SIPA1L1: variants seen among roughly 807,000 people sequenced by gnomAD.
SIPA1L1 encodes signal-induced proliferation-associated 1-like protein 1.
SIPA1L1 carries 26 observed loss-of-function variants against 162.7 expected under a neutral mutation model. The observed-to-expected ratio is 0.16, with a 90% confidence interval of 0.12 to 0.22. SIPA1L1 has a LOEUF of 0.22. Ranked by LOEUF, SIPA1L1 falls within the 10% of genes least tolerant of loss-of-function variation. The pLI, the probability that SIPA1L1 is intolerant of heterozygous loss-of-function variation, is 1.00. For missense variants in SIPA1L1, 1,874 were observed against 2,241.0 expected, an observed-to-expected ratio of 0.84 and a Z score of 3.31; for synonymous variants, 829 against 837.4, an observed-to-expected ratio of 0.99 and a Z score of 0.17.
At chr14:71,602,264 T>G (rs1409146911) in intron 5 of SIPA1L1, among the ~76,000 whole-genome samples, 1 of 152,178 alleles carries the variant, frequency 6.6e-6, no homozygotes, top group Non-Finnish European at 1.5e-5. Flanking sequence ...TTTTTTGGTT[T>G]TCATTTGCTT....
At chr14:71,407,516 T>C (rs548231943) in intron 2 of SIPA1L1, among the ~76,000 whole-genome samples, 199 of 103,196 alleles carry the variant, frequency 1.9e-3, no homozygotes, top group Non-Finnish European at 3.1e-3. Context: ...CCTTCCCTCC[T>C]TTCCCTCCCT....
At chr14:71,701,848 C>T (rs1180472441) in intron 14 of SIPA1L1, among the ~76,000 whole-genome samples, 27 of 152,150 alleles carry the variant, frequency 1.8e-4, no homozygotes, top group Non-Finnish European at 3.8e-4. Flanking sequence ...AACGTGGTTT[C>T]TACATGATCT....
At chr14:71,730,334 C>G (rs777462241) in intron 20 of SIPA1L1, 33 bp downstream of exon 20, 2 of 1,609,128 alleles carry the variant, frequency 1.2e-6, no homozygotes, top group Non-Finnish European at 1.7e-6. Context: ...CCTGGATGGC[C>G]CTGTTGATGA....
chr14:71,479,132 G>A (rs556853724), intron 2 of SIPA1L1, among the ~76,000 whole-genome samples: 37 of 152,030 alleles, frequency 2.4e-4, no homozygotes, highest in South Asian at 1.0e-3. Context: ...AAAGTGGGAC[G>A]CTCATTGCCA....
chr14:71,366,127 A>G (rs2038272260), intron 2 of SIPA1L1, among the ~76,000 whole-genome samples: 1 of 152,098 alleles, frequency 6.6e-6, no homozygotes, highest in South Asian at 2.1e-4. Context: ...TCTAGAGGTC[A>G]GGCCTGGGTA....
intron 4 of SIPA1L1, among the ~76,000 whole-genome samples, chr14:71,584,115 C>T (rs185540075): frequency 6.6e-6 from 1 of 152,154 alleles, no homozygotes; most frequent in Non-Finnish European, 1.5e-5. Flanking sequence ...AGAGATAAAC[C>T]ATAGACACCA....
chr14:71,630,123 C>G (rs1429944387), intron 7 of SIPA1L1, among the ~76,000 whole-genome samples: 4 of 152,194 alleles, frequency 2.6e-5, no homozygotes, highest in African/African-American at 9.7e-5. Flanking sequence ...TTTTAATCGT[C>G]TCTTAGATTA....
intron 2 of SIPA1L1, among the ~76,000 whole-genome samples, chr14:71,354,696 A>G (rs2037072276): frequency 6.6e-6 from 1 of 152,182 alleles, no homozygotes; most frequent in Non-Finnish European, 1.5e-5. Flanking sequence ...ACTACTTTGC[A>G]GACATTCTCT....
chr14:71,573,179 A>G (rs140427316), intron 4 of SIPA1L1, among the ~76,000 whole-genome samples: 1 of 152,364 alleles, frequency 6.6e-6, no homozygotes, highest in African/African-American at 2.4e-5. Flanking sequence ...CTGTGGTACT[A>G]TTTGCCTTTA....
At position 71,582,698 on chromosome 14, in the gene SIPA1L1, G is replaced by A. The variant is rs536237040; in HGVS notation, c.-302-4873G>A. Among the ~76,000 whole-genome samples the A allele has an allele frequency of 3.9e-5, 6 of 152,018 alleles. No homozygotes were observed. The East Asian group carries it at 7.7e-4, about 20-fold the overall frequency. On this transcript the variant is annotated intron_variant, in intron 4 of 23. Coordinates refer to ENST00000381232, the MANE Select transcript of SIPA1L1 (RefSeq NM_001386936.1). Reference sequence around the variant, plus strand: ...ATTTTACCAAAAGTTTTTTTGACTCGACTTTGTTTCCATCAGTGTTGTCTC... The same window carrying A: ...ATTTTACCAAAAGTTTTTTTGACTCAACTTTGTTTCCATCAGTGTTGTCTC...
Position 71,730,135 on chromosome 14 carries a change from C to T in SIPA1L1, c.4695C>T (p.Asp1565=), listed in dbSNP as rs760567734. ...SRRALHRTLS[D]ESIYNSQREH... ...GGGCCTTGCACAGAACACTGTCGGA[C>T]GAGAGCATTTACAATAGCCAGAGGG... The change falls in exon 20 of 24, where the codon GAC becomes GAT. Residue 1565 remains aspartate, a synonymous_variant. Coordinates refer to ENST00000381232, the MANE Select transcript of SIPA1L1 (RefSeq NM_001386936.1). 22 of 1,614,062 alleles carry T rather than the reference C, an allele frequency of 1.4e-5. No individual in the cohort carries two copies. Among genetic ancestry groups the T allele is most frequent in the Middle Eastern group, 3.3e-4 (2 of 6,084 alleles).
intron 7 of SIPA1L1, among the ~76,000 whole-genome samples, chr14:71,646,465 C>A (rs2042181070): frequency 6.6e-6 from 1 of 152,206 alleles, no homozygotes; most frequent in Non-Finnish European, 1.5e-5. Context: ...CGTGAGCCTG[C>A]AGTGTCTGTT....
chr14:71,578,888 A>G (rs1179838070), intron 4 of SIPA1L1, among the ~76,000 whole-genome samples: 1 of 152,182 alleles, frequency 6.6e-6, no homozygotes, highest in Non-Finnish European at 1.5e-5. Flanking sequence ...GTATTTTACT[A>G]AGCGTGAAAA....
chr14:71,585,832 C>G (rs2034524960), intron 4 of SIPA1L1, among the ~76,000 whole-genome samples: 1 of 152,150 alleles, frequency 6.6e-6, no homozygotes, highest in Non-Finnish European at 1.5e-5. Context: ...AGATGTTGAA[C>G]AGGTGTTTGC....
intron 4 of SIPA1L1, among the ~76,000 whole-genome samples, chr14:71,568,307 T>C (rs139479884): frequency 2.0e-4 from 30 of 151,916 alleles, no homozygotes; most frequent in African/African-American, 7.0e-4. Context: ...CAAAAATCCA[T>C]CTTTTGTAAC....
chr14:71,695,006 G>T (rs1189502948), intron 13 of SIPA1L1, among the ~76,000 whole-genome samples: 1 of 152,172 alleles, frequency 6.6e-6, no homozygotes, highest in Non-Finnish European at 1.5e-5. Context: ...CTTCAAAGTG[G>T]CAGGATAGCA....
chr14:71,567,280 A>G (rs1276546310), intron 4 of SIPA1L1, among the ~76,000 whole-genome samples: 1 of 152,198 alleles, frequency 6.6e-6, no homozygotes, highest in East Asian at 1.9e-4. Context: ...AGACTTTTGC[A>G]TGTTTCTAAA....
intron 2 of SIPA1L1, among the ~76,000 whole-genome samples, chr14:71,373,126 A>G (rs889054222): frequency 6.6e-6 from 1 of 151,742 alleles, no homozygotes; most frequent in African/African-American, 2.4e-5. Context: ...CCTGGCTAAC[A>G]CGGTGAAACC....
At chr14:71,598,339 C>A in intron 5 of SIPA1L1, 1 of 491,472 alleles carries the variant, frequency 2.0e-6, no homozygotes, top group African/African-American at 2.1e-5. Context: ...CAGGTATCTC[C>A]CTTAAGACAT....
Sources: allele counts gnomAD v4.1 joint callset (sites outside exome capture counted in the v4.1 genomes callset), GRCh38; gene constraint gnomAD v4.1.1; transcripts MANE v1.5; gene names NCBI Gene and HGNC (gene_info 2026-07-23, HGNC 2026-07-21).